KASH5: variants seen among roughly 807,000 people sequenced by gnomAD.
KASH5 encodes KASH domain containing 5, also known as protein KASH5.
In KASH5, 72 loss-of-function variants were observed where a neutral mutation model predicts 84.2. The observed-to-expected ratio is 0.85, with a 90% confidence interval of 0.71 to 1.04. KASH5 has a LOEUF of 1.04. KASH5 is among the 50% of genes least tolerant of loss of function. KASH5 has a pLI of 0.00. For synonymous variants in KASH5, 260 were observed against 279.1 expected (o/e 0.93, Z 0.68); for missense variants, 650 against 701.0 (o/e 0.93, Z 0.82).
At chr19:49,394,083 C>T (rs923076015) in intron 2 of KASH5, among the ~76,000 whole-genome samples, 1 of 152,136 alleles carries the variant, frequency 6.6e-6, no homozygotes, top group Non-Finnish European at 1.5e-5. Context: ...TTGTTCCTGG[C>T]TCCTGGGCCC....
In KASH5 at chr19:49,414,738, AGGCCCGTCCG is replaced by A. The variant is rs1974841576; in HGVS notation, c.1329-212_1329-203del. The stretch of plus-strand genomic sequence containing the variant: ...CCGTCCGTGCTGCCTGGCCTCCCCC[AGGCCCGTCCG>A]TGCTGCCTGGCCTCCCCCAGGCCCG... On this transcript the variant is annotated intron_variant, in intron 16 of 19. Coordinates refer to ENST00000447857, the MANE Select transcript of KASH5 (RefSeq NM_144688.5). The surrounding 1 kb of genome is among the most constrained non-coding windows in gnomAD (Gnocchi z 4.5). Among the ~76,000 whole-genome samples the A allele has an allele frequency of 6.9e-6, 1 of 144,396 alleles. No individual in the cohort carries two copies. The highest frequency in any genetic ancestry group is 1.5e-5 in the Non-Finnish European group (1 of 65,810). The allele number at this position is 144,396 out of a possible 152,430, so 94.7% of individuals were successfully genotyped here.
rs541872252 is a variant in KASH5 at position 49,407,445 on chromosome 19, C to G, written c.933+149C>G. 5 of 1,092,392 alleles carry G rather than the reference C, an allele frequency of 4.6e-6. No homozygotes were observed. In the African/African-American group the frequency reaches 5.9e-5, roughly 13 times the overall value. 67.7% of individuals were successfully genotyped at this position (1,092,392 alleles called of 1,614,324 possible). A position where few individuals can be genotyped will look rare whatever the true frequency, so the allele number is the denominator to read the frequency against. On this transcript the variant is annotated intron_variant, in intron 11 of 19. Coordinates refer to ENST00000447857, the MANE Select transcript of KASH5 (RefSeq NM_144688.5). ...GGGTTTCCCCAGGTCCCAAGTGTGACCCCTCAGGGATCTAGAAGCCCTTCT... is the reference window on the plus strand; with the variant it reads ...GGGTTTCCCCAGGTCCCAAGTGTGAGCCCTCAGGGATCTAGAAGCCCTTCT...
chr19:49,411,103 C>T (rs979187110), intron 15 of KASH5, among the ~76,000 whole-genome samples: 2 of 151,868 alleles, frequency 1.3e-5, no homozygotes, highest in African/African-American at 4.8e-5. Context: ...CCATGTGTAG[C>T]TAAATTTTCT....
intron 17 of KASH5, chr19:49,415,207 A>G (rs1191961194): frequency 1.1e-5 from 7 of 609,810 alleles, no homozygotes; most frequent in Non-Finnish European, 2.0e-5. Flanking sequence ...GTGGGCGGCC[A>G]GGCTGCTCCC....
chr19:49,413,819 T>C (rs1459268300), intron 16 of KASH5, among the ~76,000 whole-genome samples: 2 of 152,032 alleles, frequency 1.3e-5, no homozygotes, highest in African/African-American at 4.8e-5. Context: ...GGCTTGGACC[T>C]TGAGAGGGGT....
intron 1 of KASH5, chr19:49,389,560 G>C: frequency 6.6e-6 from 1 of 152,306 alleles, no homozygotes; most frequent in Non-Finnish European, 1.5e-5. Context: ...GCACCCTGCA[G>C]GGTGTTCCAG....
chr19:49,406,407 C>T (rs1276474627), intron 9 of KASH5, among the ~76,000 whole-genome samples: 2 of 152,104 alleles, frequency 1.3e-5, no homozygotes, highest in African/African-American at 2.4e-5. Context: ...GAGACAGTCT[C>T]GCTCTGTCGC....
rs1568625118 is a variant in KASH5 at position 49,414,715 on chromosome 19, GTCCGTGCTGCCTGGCCTCCCCC to G, written c.1329-235_1329-214del. Among the ~76,000 whole-genome samples the G allele has an allele frequency of 7.2e-6, 1 of 139,772 alleles. No homozygotes were observed. Among genetic ancestry groups the G allele is most frequent in the Non-Finnish European group, 1.5e-5 (1 of 65,824 alleles). The allele number at this position is 139,772 out of a possible 152,430, so 91.7% of individuals were successfully genotyped here. On this transcript the variant is annotated intron_variant, in intron 16 of 19. Coordinates refer to ENST00000447857, the MANE Select transcript of KASH5 (RefSeq NM_144688.5). This position sits in a 1 kb window ranked among gnomAD's most constrained non-coding sequence, Gnocchi z 4.5. ...GTGCTGCCTGGCCTCCCCCAGGCCC[GTCCGTGCTGCCTGGCCTCCCCC>G]AGGCCCGTCCGTGCTGCCTGGCCTC...
rs1381765335 is a variant in KASH5 at position 49,407,622 on chromosome 19, A to T, written c.944A>T (p.Asp315Val). The T allele has an allele frequency of 1.3e-6, 2 of 1,598,890 alleles. No individual in the cohort carries two copies. Among genetic ancestry groups the T allele is most frequent in the Non-Finnish European group, 1.7e-6 (2 of 1,173,098 alleles). The change falls in exon 12 of 20, where the codon GAT (aspartate) becomes GTT (valine). Residue 315 changes from aspartate (D) to valine (V), a missense_variant. Transcript: ENST00000447857. The stretch of plus-strand genomic sequence containing the variant: ...TTTCGGCTTTCCTAGCGCACTCGCG[A>T]TGTGGAGAGCCTGGCCCAGACCCTG... ...RDTILSERTR[D>V]VESLAQTLEE...
rs761128925 is a variant in KASH5, at chr19:49,417,276, C to T, written c.1547+10C>T. ...CCCCACAGCGGCTCAGGTGTGCCCC[C>T]AGGCGTCTCCAGAAGGAAGGAGGTG... On this transcript the variant is annotated intron_variant, in intron 19 of 19. Coordinates refer to ENST00000447857, the MANE Select transcript of KASH5 (RefSeq NM_144688.5). The surrounding 1 kb of genome is among the most constrained non-coding windows in gnomAD (Gnocchi z 5.2). The T allele has an allele frequency of 9.3e-6, 15 of 1,607,398 alleles. No homozygotes were observed. Among genetic ancestry groups the T allele is most frequent in the Admixed American group, 1.7e-5 (1 of 58,990 alleles).
At chr19:49,413,086 T>C in intron 16 of KASH5, 60 bp downstream of exon 16, 5 of 1,515,358 alleles carry the variant, frequency 3.3e-6, no homozygotes, top group Non-Finnish European at 4.5e-6. Context: ...CTGTTTACAG[T>C]AGGAGGACTG....
At chr19:49,411,875 G>A (rs1974719677) in intron 15 of KASH5, among the ~76,000 whole-genome samples, 1 of 145,676 alleles carries the variant, frequency 6.9e-6, no homozygotes, top group Non-Finnish European at 1.5e-5. Flanking sequence ...TTGAGTGGAA[G>A]GAAGGAAGGA....
Position 49,415,005 on chromosome 19 carries a change from T to TC in KASH5, c.1374+13dup, listed in dbSNP as rs1265594205. The TC allele has an allele frequency of 1.2e-6, 2 of 1,610,716 alleles. No homozygotes were observed. The highest frequency in any genetic ancestry group is 1.7e-6 in the Non-Finnish European group (2 of 1,178,626). ...CAGAGAGCCAGGTCACGGTAGGCAG[T>TC]CCCCAGCACCCCTCCCCAGTCCCCA... On this transcript the variant is annotated intron_variant, in intron 17 of 19. Transcript: ENST00000447857.
chr19:49,407,497 C>T, intron 11 of KASH5, 115 bp from the exon 12 acceptor site: 2 of 1,230,538 alleles, frequency 1.6e-6, no homozygotes, highest in Non-Finnish European at 2.3e-6. Context: ...TGTGCCCCAG[C>T]TCTTCCCTCA....
At chr19:49,400,765 AG>A (rs1386214864) in intron 9 of KASH5, among the ~76,000 whole-genome samples, 1 of 152,178 alleles carries the variant, frequency 6.6e-6, no homozygotes, top group Non-Finnish European at 1.5e-5. Flanking sequence ...CATTTCACTG[AG>A]GGACTAGCAA....
chr19:49,407,128 C>A, intron 10 of KASH5, 112 bp from the exon 11 acceptor site: 1 of 1,377,972 alleles, frequency 7.3e-7, no homozygotes, highest in Non-Finnish European at 1.0e-6. Context: ...CCTGGAACAT[C>A]TCAGGAGGCT....
rs1974631327 is a variant in KASH5 at position 49,409,200 on chromosome 19, C to T, written c.1063C>T (p.Pro355Ser). The T allele has an allele frequency of 6.2e-7, 1 of 1,613,372 alleles. No homozygotes were observed. The highest frequency in any genetic ancestry group is 8.5e-7 in the Non-Finnish European group (1 of 1,179,426). ...CCCTCCTTCCTGTGTGGCCAGGCTACCTGAAGGGGCCCAGCTGAGAAGAGT... is the reference window on the plus strand; with the variant it reads ...CCCTCCTTCCTGTGTGGCCAGGCTATCTGAAGGGGCCCAGCTGAGAAGAGT... ...SQTYEGPDEL[P>S]EGAQLRRVGW... The change falls in exon 14 of 20, where the codon CCT becomes TCT. Residue 355 changes from proline to serine, a missense_variant. Coordinates refer to ENST00000447857, the MANE Select transcript of KASH5 (RefSeq NM_144688.5).
At chr19:49,394,063 C>A (rs1974094041) in intron 2 of KASH5, among the ~76,000 whole-genome samples, 1 of 152,104 alleles carries the variant, frequency 6.6e-6, no homozygotes, top group African/African-American at 2.4e-5. Flanking sequence ...GCTGCCCATG[C>A]ATTATTGGAT....
chr19:49,397,911 G>T (rs1045716419), intron 6 of KASH5, 71 bp from the exon 7 acceptor site: 83 of 1,555,574 alleles, frequency 5.3e-5, no homozygotes, highest in Non-Finnish European at 6.5e-5. Flanking sequence ...CCCACCACCA[G>T]CACCTACCTC....
Sources: allele counts gnomAD v4.1 joint callset (sites outside exome capture counted in the v4.1 genomes callset), GRCh38; gene constraint gnomAD v4.1.1; non-coding constraint Gnocchi (gnomAD v3.1); transcripts MANE v1.5; gene names NCBI Gene and HGNC (gene_info 2026-07-23, HGNC 2026-07-21).